Variants in COTL1 observed in about 807,000 individuals in gnomAD.
COTL1 encodes the protein coactosin-like protein.
COTL1 carries 15 observed loss-of-function variants against 16.5 expected under a neutral mutation model. That is an observed-to-expected ratio of 0.91 (90% CI 0.61 to 1.40). COTL1 has a LOEUF of 1.40. Ranked by LOEUF, COTL1 falls within the 40% of genes most tolerant of loss-of-function variation. The pLI is 0.00. For synonymous variants in COTL1, 112 were observed against 85.3 expected, an observed-to-expected ratio of 1.31 and a Z score of -1.73; for missense variants, 220 against 201.5, an observed-to-expected ratio of 1.09 and a Z score of -0.56.
chr16:84,609,886 G>C (rs932219777), intron 2 of COTL1, among the ~76,000 whole-genome samples: 1 of 152,202 alleles, frequency 6.6e-6, no homozygotes, highest in South Asian at 2.1e-4. Context: ...GCAAAACTGT[G>C]AGCCAATTAA....
intron 2 of COTL1, among the ~76,000 whole-genome samples, chr16:84,593,561 G>T (rs4783028): frequency 0.44 from 66,161 of 150,542 alleles, 14,733 homozygotes; most frequent in African/African-American, 0.5. Context: ...GCCCAGGCTG[G>T]AGTGCAGTGG....
At chr16:84,614,899 T>G (rs1415630768) in intron 2 of COTL1, among the ~76,000 whole-genome samples, 2 of 152,118 alleles carry the variant, frequency 1.3e-5, no homozygotes, top group Non-Finnish European at 2.9e-5. Flanking sequence ...CCAGCCTGCC[T>G]GGGTTCAAGT....
chr16:84,565,616 A>C lies in COTL1; in HGVS notation c.*1229T>G, dbSNP rs1474647887. 2.0e-5 allele frequency: 3 copies of C among 152,620 alleles called. No homozygotes were observed. The highest frequency in any genetic ancestry group is 4.4e-5 in the Non-Finnish European group (3 of 68,044). 9.5% of individuals were successfully genotyped at this position (152,620 alleles called of 1,614,324 possible). ...AACTGTTTTCTGAAAAACAAAAAAA[A>C]CATTTATTTCTGTAAACTGTCTGAG... On this transcript the variant is annotated 3_prime_UTR_variant, in exon 4 of 4. Coordinates refer to ENST00000262428, the MANE Select transcript of COTL1 (RefSeq NM_021149.5).
At chr16:84,583,200 G>A (rs1904639792) in intron 3 of COTL1, among the ~76,000 whole-genome samples, 1 of 152,186 alleles carries the variant, frequency 6.6e-6, no homozygotes, top group Non-Finnish European at 1.5e-5. Context: ...CCTTGAGCAA[G>A]TTACTCAGCT....
At chr16:84,617,260 C>T (rs1188804192) in intron 2 of COTL1, among the ~76,000 whole-genome samples, 5 of 152,218 alleles carry the variant, frequency 3.3e-5, no homozygotes, top group Admixed American at 2.6e-4. Flanking sequence ...AGAGCTGCCC[C>T]GCCTGGAGAA....
chr16:84,575,205 CTTTTGTATT>C (rs1332203267), intron 3 of COTL1: 2 of 148,294 alleles, frequency 1.3e-5, no homozygotes, highest in African/African-American at 5.0e-5. Flanking sequence ...ACCTGGCTAA[CTTTTGTATT>C]TTTAGTAGAG....
chr16:84,617,874 T>C lies in COTL1; in HGVS notation c.41A>G (p.Tyr14Cys). ...KIDKEACRAA[Y>C]NLVRDDGSAV... ...CGAGCCGTCGTCGCGCACCAGGTTG[T>C]ACGCCGCCCGGCAAGCCTCTTTGTC... The change falls in exon 1 of 4, where the codon TAC becomes TGC. Residue 14 changes from tyrosine to cysteine, a missense_variant. Tyr to Cys is a radical substitution (Grantham distance 194, BLOSUM62 -2). Transcript: ENST00000262428. 2 of 1,572,750 alleles carry C rather than the reference T, an allele frequency of 1.3e-6. No individual in the cohort carries two copies. Among genetic ancestry groups the C allele is most frequent in the African/African-American group, 2.7e-5 (2 of 73,716 alleles).
intron 3 of COTL1, among the ~76,000 whole-genome samples, chr16:84,570,791 T>C (rs1037818836): frequency 3.3e-5 from 5 of 152,172 alleles, no homozygotes; most frequent in South Asian, 2.1e-4. Context: ...AGACAAGTCG[T>C]CCAGCAATCC....
chr16:84,597,256 C>T (rs1181184703), intron 2 of COTL1, among the ~76,000 whole-genome samples: 1 of 152,168 alleles, frequency 6.6e-6, no homozygotes, highest in East Asian at 1.9e-4. Flanking sequence ...GTCTACTAAG[C>T]ACTTATGAGG....
intron 3 of COTL1, chr16:84,567,822 C>G (rs972387729): frequency 6.6e-6 from 1 of 152,052 alleles, no homozygotes; most frequent in African/African-American, 2.4e-5. Context: ...ACCCTTAAGC[C>G]ATGATGATAC....
chr16:84,586,193 T>C (rs1196534751), intron 3 of COTL1, among the ~76,000 whole-genome samples: 1 of 151,756 alleles, frequency 6.6e-6, no homozygotes, highest in Non-Finnish European at 1.5e-5. Flanking sequence ...AACTGAGAGA[T>C]GAGATGAAAA....
intron 3 of COTL1, chr16:84,567,748 C>T (rs1251268943): frequency 6.6e-6 from 1 of 152,244 alleles, no homozygotes; most frequent in Non-Finnish European, 1.5e-5. Flanking sequence ...CGCAGGCACC[C>T]ATGATGCACT....
chr16:84,600,473 C>T (rs1332177617), intron 2 of COTL1, among the ~76,000 whole-genome samples: 4 of 152,104 alleles, frequency 2.6e-5, no homozygotes, highest in African/African-American at 7.2e-5. Context: ...CCACCATGCT[C>T]GGCTAATTTT....
At chr16:84,569,953 G>A (rs1006380012) in intron 3 of COTL1, among the ~76,000 whole-genome samples, 9 of 152,138 alleles carry the variant, frequency 5.9e-5, no homozygotes, top group South Asian at 4.1e-4. Context: ...AGTTCCAGTC[G>A]GTTAGCTATT....
rs1379042275 is a variant in COTL1 at position 84,566,973 on chromosome 16, AAC to A, written c.319-20_319-19del. On this transcript the variant is annotated intron_variant, in intron 3 of 3. Transcript: ENST00000262428. The stretch of plus-strand genomic sequence containing the variant: ...GCGAAATTCTGCAAGAACAAAGGAA[AAC>A]ACAGCGTTCCTATTAAGAAGGAAGG... The A allele has an allele frequency of 1.9e-6, 3 of 1,567,714 alleles. No homozygotes were observed. Among genetic ancestry groups the A allele is most frequent in the African/African-American group, 1.3e-5 (1 of 74,096 alleles).
At chr16:84,584,447 C>T (rs1904671887) in intron 3 of COTL1, among the ~76,000 whole-genome samples, 1 of 152,206 alleles carries the variant, frequency 6.6e-6, no homozygotes, top group South Asian at 2.1e-4. Flanking sequence ...TAGGGCAGGT[C>T]CTAGCACTGC....
At chr16:84,582,970 T>A (rs1294635686) in intron 3 of COTL1, among the ~76,000 whole-genome samples, 1 of 152,174 alleles carries the variant, frequency 6.6e-6, no homozygotes, top group Non-Finnish European at 1.5e-5. Flanking sequence ...GTTTAAAGCT[T>A]CCACCATCAA....
intron 2 of COTL1, among the ~76,000 whole-genome samples, chr16:84,614,436 C>G (rs1905417881): frequency 1.3e-5 from 2 of 149,726 alleles, no homozygotes; most frequent in Non-Finnish European, 3.0e-5. Context: ...GGCCAGGAGG[C>G]TGGGAAGAAA....
intron 2 of COTL1, among the ~76,000 whole-genome samples, chr16:84,606,630 C>T (rs899900603): frequency 6.6e-6 from 1 of 152,230 alleles, no homozygotes; most frequent in African/African-American, 2.4e-5. Context: ...TGGTAGTGGG[C>T]GTAGCCACTT....
Sources: allele counts gnomAD v4.1 joint callset (sites outside exome capture counted in the v4.1 genomes callset), GRCh38; gene constraint gnomAD v4.1.1; transcripts MANE v1.5; gene names NCBI Gene and HGNC (gene_info 2026-07-23, HGNC 2026-07-21).